DPY19L2: variants seen among roughly 807,000 people sequenced by gnomAD.
DPY19L2 encodes the protein dpy-19 like 2.
A neutral mutation model predicts 97.9 loss-of-function variants in DPY19L2; 34 were observed. The ratio of observed to expected loss-of-function variants is 0.35; its 90% CI spans 0.26 to 0.46. DPY19L2 has a LOEUF of 0.46. DPY19L2 is among the 20% of genes least tolerant of loss of function. DPY19L2 has a pLI of 1.00. For missense variants in DPY19L2, 623 were observed against 911.4 expected, an observed-to-expected ratio of 0.68 and a Z score of 4.07; for synonymous variants, 230 against 307.9, an observed-to-expected ratio of 0.75 and a Z score of 2.65.
intron 11 of DPY19L2, among the ~76,000 whole-genome samples, chr12:63,612,089 A>G (rs1364006716): frequency 6.6e-6 from 1 of 152,090 alleles, no homozygotes; most frequent in Non-Finnish European, 1.5e-5. Flanking sequence ...AACAGATTTC[A>G]TAAGAAAAAA....
intron 6 of DPY19L2, among the ~76,000 whole-genome samples, chr12:63,638,992 G>A (rs1034659389): frequency 6.6e-6 from 1 of 152,086 alleles, no homozygotes; most frequent in Non-Finnish European, 1.5e-5. Context: ...CATGGTACTG[G>A]TACCAAAACT....
rs1422005682 is a variant in DPY19L2, at chr12:63,639,093, A to G, written c.803+5310T>C. Among the ~76,000 whole-genome samples, 3 of 152,182 alleles carry G rather than the reference A, an allele frequency of 2.0e-5. No individual in the cohort carries two copies. In the East Asian group the frequency reaches 5.8e-4, roughly 29 times the overall value. Reference sequence around the variant, plus strand: ...ATCTTTGACAAACTTGACAAAAACAAGCAATGCGGAAAGGATTCCCTATTT... The same window carrying G: ...ATCTTTGACAAACTTGACAAAAACAGGCAATGCGGAAAGGATTCCCTATTT... On this transcript the variant is annotated intron_variant, in intron 6 of 21. Coordinates refer to ENST00000324472, the MANE Select transcript of DPY19L2 (RefSeq NM_173812.5).
intron 6 of DPY19L2, among the ~76,000 whole-genome samples, chr12:63,632,265 A>C (rs1488655175): frequency 6.6e-6 from 1 of 152,156 alleles, no homozygotes; most frequent in African/African-American, 2.4e-5. Flanking sequence ...GGAAAAGAGG[A>C]AGTCAAATTG....
intron 16 of DPY19L2, among the ~76,000 whole-genome samples, chr12:63,589,897 G>A (rs981910525): frequency 6.6e-6 from 1 of 152,098 alleles, no homozygotes; most frequent in African/African-American, 2.4e-5. Context: ...GGCAGGCCCA[G>A]GTGGCTGGAT....
chr12:63,663,155 G>C (rs1044326613), intron 3 of DPY19L2, among the ~76,000 whole-genome samples: 2 of 152,080 alleles, frequency 1.3e-5, no homozygotes, highest in Non-Finnish European at 1.5e-5. Flanking sequence ...CTAGGCCCCC[G>C]ACCAGCTGTG....
chr12:63,626,709 C>T (rs989900914), intron 6 of DPY19L2, among the ~76,000 whole-genome samples, 183 bp from the exon 7 acceptor site: 23 of 151,984 alleles, frequency 1.5e-4, no homozygotes, highest in Admixed American at 9.2e-4. Context: ...AAAAAGTGTA[C>T]GTATAAATTA....
chr12:63,663,818 A>G lies in DPY19L2; in HGVS notation c.390T>C (p.Asn130=), dbSNP rs1399719821. 3.7e-6 allele frequency: 6 copies of G among 1,606,158 alleles called. No homozygotes were observed. Among genetic ancestry groups the G allele is most frequent in the African/African-American group, 2.7e-5 (2 of 74,490 alleles). The part of the protein sequence containing the change: ...HWLHLVTLFE[N]DRHFSHLSSL... Reference sequence around the variant, plus strand: ...ATGAGAGGTGAGAGAAATGACGATCATTTTCAAAAAGTGTTACTAAATGTA... The same window carrying G: ...ATGAGAGGTGAGAGAAATGACGATCGTTTTCAAAAAGTGTTACTAAATGTA... Residue 130 remains asparagine, a synonymous_variant, in exon 3 of 22, where the codon AAT becomes AAC. Transcript: ENST00000324472.
chr12:63,629,848 T>C (rs1241587901), intron 6 of DPY19L2, among the ~76,000 whole-genome samples: 1 of 152,142 alleles, frequency 6.6e-6, no homozygotes, highest in Non-Finnish European at 1.5e-5. Flanking sequence ...GGGAAGCCCA[T>C]CAGACTAACA....
At chr12:63,609,924 G>C (rs1886665898) in intron 11 of DPY19L2, among the ~76,000 whole-genome samples, 1 of 152,052 alleles carries the variant, frequency 6.6e-6, no homozygotes, top group South Asian at 2.1e-4. Flanking sequence ...AAATGTATCA[G>C]ATGATTCATT....
upstream of DPY19L2, chr12:63,668,542 A>C: frequency 1.2e-6 from 1 of 818,182 alleles, no homozygotes; most frequent in Non-Finnish European, 1.9e-6. Flanking sequence ...CGACTGTGAA[A>C]TGTGGGGTGG....
rs1349515711 is a variant in DPY19L2 at position 63,593,946 on chromosome 12, A to G, written c.1580+141T>C. ...ATCTGTAAGAATAATATTTTTAAGGAAACATTTAAGTTTGGCTCATATTTC... is the reference window on the plus strand; with the variant it reads ...ATCTGTAAGAATAATATTTTTAAGGGAACATTTAAGTTTGGCTCATATTTC... On this transcript the variant is annotated intron_variant, in intron 16 of 21. Coordinates refer to ENST00000324472, the MANE Select transcript of DPY19L2 (RefSeq NM_173812.5). 1.1e-5 allele frequency: 6 copies of G among 522,820 alleles called. No homozygotes were observed. In the Admixed American group the frequency reaches 2.2e-4, roughly 19 times the overall value. 32.4% of individuals were successfully genotyped at this position (522,820 alleles called of 1,614,324 possible).
At chr12:63,637,506 A>G (rs369034809) in intron 6 of DPY19L2, among the ~76,000 whole-genome samples, 72 of 152,216 alleles carry the variant, frequency 4.7e-4, no homozygotes, top group African/African-American at 1.6e-3. Flanking sequence ...TCAAATAGAC[A>G]CAATAAAAAA....
rs1889555851 is a variant in DPY19L2, at chr12:63,626,515, A to C, written c.815T>G (p.Leu272Arg). 1 of 1,536,924 alleles carries C rather than the reference A, an allele frequency of 6.5e-7. No individual in the cohort carries two copies. Among genetic ancestry groups the C allele is most frequent in the Admixed American group, 2.1e-5 (1 of 48,566 alleles). Reference protein sequence around the residue: ...MYGAYLSGTQLGGLITVLCFF... With the variant: ...MYGAYLSGTQRGGLITVLCFF... ...GCACAGTACTGTAATAAGACCTCCCAGTTGAGTCCCACTGTAAAAAAAAAA... is the reference window on the plus strand; with the variant it reads ...GCACAGTACTGTAATAAGACCTCCCCGTTGAGTCCCACTGTAAAAAAAAAA... Residue 272 changes from leucine to arginine, a missense_variant, in exon 7 of 22, where the codon CTG becomes CGG. Physicochemically the swap from Leu to Arg is moderately radical, Grantham distance 102 (BLOSUM62 -2). This residue lies in a region of DPY19L2 where 67 missense variants were observed against 88.0 expected (regional missense o/e 0.76). Coordinates refer to ENST00000324472, the MANE Select transcript of DPY19L2 (RefSeq NM_173812.5).
chr12:63,570,686 T>C (rs1333050661), intron 20 of DPY19L2, 72 bp downstream of exon 20: 3 of 1,198,386 alleles, frequency 2.5e-6, no homozygotes, highest in South Asian at 1.3e-5. Context: ...TGTGTGTGTG[T>C]AAAATTTTCC....
chr12:63,586,329 G>A (rs1415399145), intron 16 of DPY19L2, among the ~76,000 whole-genome samples: 1 of 152,144 alleles, frequency 6.6e-6, no homozygotes, highest in East Asian at 1.9e-4. Flanking sequence ...TACATGTCAA[G>A]GAAAAATAAA....
chr12:63,564,035 A>C (rs1877153686), intron 21 of DPY19L2, among the ~76,000 whole-genome samples: 2 of 152,158 alleles, frequency 1.3e-5, no homozygotes, highest in African/African-American at 4.8e-5. Flanking sequence ...AGTGGAATAA[A>C]GTTGTTCCCA....
At chr12:63,651,219 T>C (rs1266182963) in intron 4 of DPY19L2, among the ~76,000 whole-genome samples, 2 of 152,140 alleles carry the variant, frequency 1.3e-5, no homozygotes, top group African/African-American at 2.4e-5. Context: ...AGACTGAAAC[T>C]TCACCTTTCT....
intron 4 of DPY19L2, chr12:63,651,578 C>G: frequency 4.1e-6 from 1 of 242,024 alleles, no homozygotes; most frequent in South Asian, 6.6e-5. Context: ...AAAATGGGTA[C>G]TCCGTGCCAC....
rs1277697886 is a variant in DPY19L2 at position 63,633,318 on chromosome 12, A to G, written c.804-6792T>C. ...GAAATTTTTGCAATCTACTCATCTGACAAAGGGCTAATATCCAGAATCTAC... is the reference window on the plus strand; with the variant it reads ...GAAATTTTTGCAATCTACTCATCTGGCAAAGGGCTAATATCCAGAATCTAC... On this transcript the variant is annotated intron_variant, in intron 6 of 21. Coordinates refer to ENST00000324472, the MANE Select transcript of DPY19L2 (RefSeq NM_173812.5). 2.0e-5 allele frequency among the ~76,000 whole-genome samples: 3 copies of G among 152,166 alleles called. No individual in the cohort carries two copies. In the South Asian group the frequency reaches 6.2e-4, roughly 31 times the overall value.
Sources: allele counts gnomAD v4.1 joint callset (sites outside exome capture counted in the v4.1 genomes callset), GRCh38; gene constraint gnomAD v4.1.1; regional missense constraint gnomAD v4.1.1; transcripts MANE v1.5; gene names NCBI Gene and HGNC (gene_info 2026-07-23, HGNC 2026-07-21).